Variants in CARF observed in about 807,000 individuals in gnomAD.
CARF encodes the protein calcium responsive transcription factor, also known as calcium-responsive transcription factor.
A neutral mutation model predicts 82.0 loss-of-function variants in CARF; 57 were observed. The ratio of observed to expected loss-of-function variants is 0.70; its 90% CI spans 0.56 to 0.87. CARF has a LOEUF of 0.87. Among genes scored for constraint, CARF ranks in the 40% least tolerant of loss-of-function variants. The pLI, the probability that CARF is intolerant of heterozygous loss-of-function variation, is 0.00. For missense variants in CARF, 771 were observed against 855.8 expected, an observed-to-expected ratio of 0.90 and a Z score of 1.24; for synonymous variants, 268 against 290.1, an observed-to-expected ratio of 0.92 and a Z score of 0.77.
chr2:202,982,356 G>T lies in CARF; in HGVS notation c.1974G>T (p.Gly658=). The change falls in exon 16 of 17, where the codon GGG becomes GGT. Residue 658 remains glycine (G), a synonymous_variant. Transcript: ENST00000438828. ...LVEVGDVEDT[G]NLEGTVHRIL... ...AAGTTGGAGATGTTGAGGATACAGG[G>T]AATCTGGAAGGAACTGTTCATCGGA... 6.2e-7 allele frequency: 1 copy of T among 1,614,150 alleles called. No individual in the cohort carries two copies. Among genetic ancestry groups the T allele is most frequent in the Non-Finnish European group, 8.5e-7 (1 of 1,180,020 alleles).
intron 9 of CARF, among the ~76,000 whole-genome samples, chr2:202,964,744 C>T (rs541165196): frequency 4.2e-4 from 64 of 151,922 alleles, no homozygotes; most frequent in Non-Finnish European, 8.4e-4. Context: ...ATACCCCTTA[C>T]ACTTCCTCAT....
At chr2:202,920,157 C>CTT (rs969806621) in intron 2 of CARF, among the ~76,000 whole-genome samples, 3 of 142,356 alleles carry the variant, frequency 2.1e-5, no homozygotes, top group African/African-American at 2.6e-5. Flanking sequence ...AATTCATAAT[C>CTT]TTTTTTTTTT....
chr2:202,939,759 G>A (rs1382057134), intron 3 of CARF, among the ~76,000 whole-genome samples: 2 of 144,634 alleles, frequency 1.4e-5, no homozygotes, highest in African/African-American at 5.1e-5. Flanking sequence ...CATGATTATG[G>A]CTCACTGCGG....
At chr2:202,948,298 C>G (rs1467427692) in intron 5 of CARF, among the ~76,000 whole-genome samples, 1 of 152,136 alleles carries the variant, frequency 6.6e-6, no homozygotes, top group Non-Finnish European at 1.5e-5. Context: ...ATGCCTCCAG[C>G]TTTCTACTTT....
Position 202,983,584 on chromosome 2 carries a change from C to CA in CARF, c.2146dup (p.Thr716AsnfsTer5), listed in dbSNP as rs201520695. 7,731 of 1,604,200 alleles carry CA rather than the reference C, an allele frequency of 4.8e-3. 25 individuals are homozygous for CA. The highest frequency in any genetic ancestry group is 6.0e-3 in the Non-Finnish European group (7,010 of 1,175,036). On this transcript the variant is annotated frameshift_variant, in exon 17 of 17. Transcript: ENST00000438828. LOFTEE classifies it high-confidence loss of function. The stretch of plus-strand genomic sequence containing the variant: ...AAAGAACCAGCATTGTCTATGGAAG[C>CA]AAAAAAAACTGTGGACTATAAGAAA...
At chr2:202,922,487 C>T (rs373920570) in intron 2 of CARF, among the ~76,000 whole-genome samples, 2 of 152,246 alleles carry the variant, frequency 1.3e-5, no homozygotes, top group African/African-American at 2.4e-5. Flanking sequence ...CTAGCCAGAG[C>T]AGTCAGACAA....
At chr2:202,952,202 G>A (rs1034158471) in intron 5 of CARF, among the ~76,000 whole-genome samples, 19 of 152,138 alleles carry the variant, frequency 1.2e-4, no homozygotes, top group African/African-American at 4.3e-4. Flanking sequence ...ACAAATAGGT[G>A]AAACATGTAT....
chr2:202,972,566 T>A (rs2059834775), intron 12 of CARF, among the ~76,000 whole-genome samples: 1 of 151,172 alleles, frequency 6.6e-6, no homozygotes, highest in East Asian at 2.0e-4. Context: ...AGTCCCAGCT[T>A]CTCGGGAGGC....
At chr2:202,953,362 T>C (rs927792069) in intron 6 of CARF, among the ~76,000 whole-genome samples, 1 of 148,344 alleles carries the variant, frequency 6.7e-6, no homozygotes, top group African/African-American at 2.5e-5. Context: ...ACTCATTACT[T>C]TTTTTTTTTA....
chr2:202,958,280 T>TGTGTGTGTGTGTGTGTGTG (rs2059145709), intron 8 of CARF, among the ~76,000 whole-genome samples: 1 of 151,018 alleles, frequency 6.6e-6, no homozygotes, highest in Non-Finnish European at 1.5e-5. Context: ...TGTGTGTGTG[T>TGTGTGTGTGTGTGTGTGTG]AGTTTTAGCT....
In CARF at chr2:202,964,183, A is replaced by G. The variant is rs78304602; in HGVS notation, c.832+2757A>G. Among the ~76,000 whole-genome samples the G allele has an allele frequency of 1.2e-3, 179 of 152,284 alleles. 2 individuals carry two copies. The East Asian group carries it at 0.029, about 25-fold the overall frequency. ...TGTACATAAGGGTTTGATAGCTTGTACCAATTTTCACTCCTGTCAGCAGTG... is the reference window on the plus strand; with the variant it reads ...TGTACATAAGGGTTTGATAGCTTGTGCCAATTTTCACTCCTGTCAGCAGTG... On this transcript the variant is annotated intron_variant, in intron 9 of 16. Coordinates refer to ENST00000438828, the MANE Select transcript of CARF (RefSeq NM_024744.17).
At chr2:202,935,250 T>C (rs1424626542) in intron 3 of CARF, among the ~76,000 whole-genome samples, 1 of 144,646 alleles carries the variant, frequency 6.9e-6, no homozygotes, top group Non-Finnish European at 1.5e-5. Flanking sequence ...TATATTTGTA[T>C]ATTATATATT....
At position 202,912,472 on chromosome 2, in the gene CARF, C is replaced by CT. The variant is rs1419531759; in HGVS notation, c.-960_-959insT. 2 of 30,924 alleles carry CT rather than the reference C, an allele frequency of 6.5e-5. No homozygotes were observed. Among genetic ancestry groups the CT allele is most frequent in the South Asian group, 2.0e-3 (1 of 512 alleles). The allele number at this position is 30,924 out of a possible 1,614,324, so 1.9% of individuals were successfully genotyped here. A position where few individuals can be genotyped will look rare whatever the true frequency, so the allele number is the denominator to read the frequency against. On this transcript the variant is annotated 5_prime_UTR_variant, in exon 1 of 17. The change creates a premature stop within an existing upstream ORF in the 5' untranslated region. Coordinates refer to ENST00000438828, the MANE Select transcript of CARF (RefSeq NM_024744.17). ...GACCTACCGGACGCTACCTCCCAACCCCCCGTCTTCCTCCTGCCTCCTCCT... is the reference window on the plus strand; with the variant it reads ...GACCTACCGGACGCTACCTCCCAACCTCCCCGTCTTCCTCCTGCCTCCTCCT...
rs771073464 is a variant in CARF, at chr2:202,974,310, T to G, written c.1332-24T>G. The G allele has an allele frequency of 5.3e-5, 82 of 1,549,756 alleles. 1 individual carries two copies. The highest frequency in any genetic ancestry group is 2.6e-4 in the South Asian group (21 of 80,212). On this transcript the variant is annotated intron_variant, in intron 12 of 16. Transcript: ENST00000438828. ...CATATTGCTAAATGGTTTATGTCTTTATTCCATTTTGTATTCTTTACAGAA... is the reference window on the plus strand; with the variant it reads ...CATATTGCTAAATGGTTTATGTCTTGATTCCATTTTGTATTCTTTACAGAA...
At chr2:202,977,429 A>G in intron 14 of CARF, 97 bp downstream of exon 14, 1 of 883,222 alleles carries the variant, frequency 1.1e-6, no homozygotes. Flanking sequence ...TTTATAGATA[A>G]GGAAACCAGG....
intron 10 of CARF, among the ~76,000 whole-genome samples, chr2:202,968,747 G>A (rs766821499): frequency 7.2e-5 from 11 of 151,752 alleles, no homozygotes; most frequent in Non-Finnish European, 1.5e-4. Context: ...AACCAAAAGA[G>A]GAATAAAATT....
chr2:202,978,087 C>T (rs1218999798), intron 14 of CARF, among the ~76,000 whole-genome samples: 1 of 152,166 alleles, frequency 6.6e-6, no homozygotes. Context: ...CTCAGGTGAT[C>T]CACCCACCTT....
chr2:202,934,929 T>A (rs1693622709), intron 3 of CARF, among the ~76,000 whole-genome samples: 3 of 151,230 alleles, frequency 2.0e-5, no homozygotes, highest in Non-Finnish European at 2.9e-5. Flanking sequence ...GTACAAAAAT[T>A]AGCTGGGCAT....
intron 3 of CARF, among the ~76,000 whole-genome samples, chr2:202,934,125 A>T (rs1693483166): frequency 1.3e-5 from 2 of 152,296 alleles, no homozygotes; most frequent in South Asian, 4.1e-4. Context: ...ATTTTAAGTC[A>T]TCCTGAGTCA....
Sources: gnomAD v4.1 joint callset for allele counts (sites outside exome capture counted in the v4.1 genomes callset) on GRCh38, gnomAD v4.1.1 for gene constraint, MANE v1.5 for transcripts, NCBI Gene and HGNC (gene_info 2026-07-23, HGNC 2026-07-21) for gene names.